Variants in ASTN2 observed in about 807,000 individuals in gnomAD.
The protein encoded by ASTN2 is astrotactin 2, also known as astrotactin-2.
In ASTN2, 54 loss-of-function variants were observed where a neutral mutation model predicts 139.8. That is an observed-to-expected ratio of 0.39 (90% CI 0.31 to 0.48). The LOEUF (loss-of-function observed/expected upper bound fraction) is 0.48, where lower values mean the gene tolerates loss of function less well. Among genes scored for constraint, ASTN2 ranks in the 20% least tolerant of loss-of-function variants. ASTN2 has a pLI of 0.95. For synonymous variants in ASTN2, 756 were observed against 719.5 expected, an observed-to-expected ratio of 1.05 and a Z score of -0.81; for missense variants, 1,565 against 1,725.1, an observed-to-expected ratio of 0.91 and a Z score of 1.64.
chr9:116,729,181 G>A (rs746290557), intron 14 of ASTN2, 85 bp from the exon 15 acceptor site: 13 of 1,016,692 alleles, frequency 1.3e-5, no homozygotes, highest in Admixed American at 4.7e-5. Flanking sequence ...CTTGGCTCTG[G>A]GAAACAGACA....
chr9:117,253,126 C>T (rs1039668288), intron 2 of ASTN2, among the ~76,000 whole-genome samples: 2 of 152,154 alleles, frequency 1.3e-5, no homozygotes, highest in East Asian at 1.9e-4. Flanking sequence ...AAGGTCAGAG[C>T]CCCTGGTCAT....
Position 117,054,808 on chromosome 9 carries a change from A to T in ASTN2, c.1277-14843T>A, listed in dbSNP as rs116144448. Among the ~76,000 whole-genome samples, 269 of 152,286 alleles carry T rather than the reference A, an allele frequency of 1.8e-3. 2 individuals carry two copies. The highest frequency in any genetic ancestry group is 6.1e-3 in the African/African-American group (252 of 41,576). ...CTTTCTCCTAGATCAGTGGTCCCCA[A>T]CCTTTTTGGCACCAGGGATCAGTTT... On this transcript the variant is annotated intron_variant, in intron 5 of 22. Transcript: ENST00000313400.
intron 1 of ASTN2, among the ~76,000 whole-genome samples, chr9:117,340,853 C>G (rs968965430): frequency 2.0e-5 from 3 of 152,190 alleles, no homozygotes; most frequent in African/African-American, 7.2e-5. Context: ...GTGCAATGCC[C>G]TTCCTCCCTC....
chr9:116,926,573 G>T (rs1834761718), intron 10 of ASTN2, among the ~76,000 whole-genome samples: 1 of 152,164 alleles, frequency 6.6e-6, no homozygotes, highest in Non-Finnish European at 1.5e-5. Context: ...TTTGACCAAT[G>T]CTCATAATAA....
intron 1 of ASTN2, among the ~76,000 whole-genome samples, chr9:117,375,758 G>A (rs1830106096): frequency 6.6e-6 from 1 of 152,132 alleles, no homozygotes; most frequent in Admixed American, 6.6e-5. Context: ...ATAAAACAGT[G>A]CAAACAGTTT....
intron 2 of ASTN2, among the ~76,000 whole-genome samples, chr9:117,264,599 A>T (rs1370958910): frequency 6.6e-6 from 1 of 152,194 alleles, no homozygotes; most frequent in Non-Finnish European, 1.5e-5. Flanking sequence ...CCGAATATAC[A>T]AGAGGAAAAG....
intron 19 of ASTN2, among the ~76,000 whole-genome samples, chr9:116,571,435 CTT>C (rs750501614): frequency 5.9e-5 from 9 of 152,324 alleles, no homozygotes; most frequent in Non-Finnish European, 1.3e-4. Flanking sequence ...GCCTCTCCCT[CTT>C]TTCTCTTTTA....
At position 116,980,628 on chromosome 9, in the gene ASTN2, T is replaced by C. The variant is rs191434620; in HGVS notation, c.1592-3843A>G. Among the ~76,000 whole-genome samples the C allele has an allele frequency of 2.6e-5, 4 of 152,266 alleles. No homozygotes were observed. In the East Asian group the frequency reaches 7.7e-4, roughly 29 times the overall value. On this transcript the variant is annotated intron_variant, in intron 7 of 22. Transcript: ENST00000313400. ...CTGCTGTTTGCATTGCCTTTCCAAA[T>C]CCCTAACCTCTGCTTTCTGGATACT...
At chr9:117,393,764 T>C (rs1366867633) in intron 1 of ASTN2, among the ~76,000 whole-genome samples, 1 of 152,014 alleles carries the variant, frequency 6.6e-6, no homozygotes, top group Non-Finnish European at 1.5e-5. Context: ...TGAGGTGGAA[T>C]GGGCAGGCTC....
At chr9:117,326,438 GA>G (rs569167374) in intron 1 of ASTN2, among the ~76,000 whole-genome samples, 4 of 151,408 alleles carry the variant, frequency 2.6e-5, no homozygotes, top group Non-Finnish European at 5.9e-5. Flanking sequence ...AGATCATAAG[GA>G]AAAAAAACAG....
In ASTN2 at chr9:116,618,315, T is replaced by C. The variant is rs200479992; in HGVS notation, c.3355+9A>G. The C allele has an allele frequency of 4.2e-5, 68 of 1,610,658 alleles. No homozygotes were observed. In the East Asian group the frequency reaches 4.5e-4, roughly 11 times the overall value. On this transcript the variant is annotated intron_variant, in intron 19 of 22. Coordinates refer to ENST00000313400, the MANE Select transcript of ASTN2 (RefSeq NM_001365068.1). ...ACTATCCCAAGAAAATGGGAACTCA[T>C]GTACCTACCTGTGTACAGGTCAGTG...
intron 10 of ASTN2, among the ~76,000 whole-genome samples, chr9:116,891,100 C>T (rs1422236117): frequency 6.6e-6 from 1 of 152,098 alleles, no homozygotes; most frequent in Non-Finnish European, 1.5e-5. Context: ...ATTCATTGTT[C>T]AGTGTATTTT....
chr9:117,079,383 C>T (rs1217882690), intron 5 of ASTN2, among the ~76,000 whole-genome samples: 6 of 151,862 alleles, frequency 4.0e-5, no homozygotes, highest in African/African-American at 9.7e-5. Context: ...ACAGGCAGAC[C>T]GACCGACCAA....
intron 20 of ASTN2, among the ~76,000 whole-genome samples, chr9:116,448,623 C>G (rs1401189611): frequency 6.6e-6 from 1 of 152,194 alleles, no homozygotes; most frequent in Non-Finnish European, 1.5e-5. Context: ...CTGGATTCTA[C>G]CTGGGCAGTA....
chr9:116,692,667 A>G (rs2132055359), intron 16 of ASTN2, among the ~76,000 whole-genome samples: 1 of 151,426 alleles, frequency 6.6e-6, no homozygotes, highest in East Asian at 2.0e-4. Flanking sequence ...AATACTGTCC[A>G]CTCCTAGTTC....
intron 3 of ASTN2, among the ~76,000 whole-genome samples, chr9:117,183,424 T>A (rs955031212): frequency 1.5e-4 from 23 of 152,228 alleles, no homozygotes; most frequent in African/African-American, 5.5e-4. Context: ...TGATAAGCAC[T>A]CCTTTAAGCA....
chr9:116,987,601 A>T (rs1033817527), intron 7 of ASTN2, among the ~76,000 whole-genome samples: 6 of 152,342 alleles, frequency 3.9e-5, no homozygotes, highest in African/African-American at 1.2e-4. Context: ...TCTTTTCTTC[A>T]TAAATTACCC....
intron 19 of ASTN2, among the ~76,000 whole-genome samples, chr9:116,504,895 C>CAAAA (rs386416022): frequency 0.15 from 13,833 of 91,216 alleles, 1,100 homozygotes; most frequent in African/African-American, 0.21. Context: ...AATCCTGTCT[C>CAAAA]AAAAAAAAAA....
intron 19 of ASTN2, among the ~76,000 whole-genome samples, chr9:116,506,481 G>A (rs547483242): frequency 1.3e-5 from 2 of 149,568 alleles, no homozygotes; most frequent in South Asian, 4.3e-4. Flanking sequence ...AAGCCCCAGA[G>A]ATGGAGGAGT....
Sources: allele counts gnomAD v4.1 joint callset (sites outside exome capture counted in the v4.1 genomes callset), GRCh38; gene constraint gnomAD v4.1.1; transcripts MANE v1.5; gene names NCBI Gene and HGNC (gene_info 2026-07-23, HGNC 2026-07-21).